The following ACE variants were observed in gnomAD, a reference collection of about 807,000 sequenced individuals.
ACE encodes the protein angiotensin-converting enzyme.
In ACE, 122 loss-of-function variants were observed where a neutral mutation model predicts 162.3. That is an observed-to-expected ratio of 0.75 (90% confidence interval 0.65 to 0.87). The LOEUF is 0.87. Among genes scored for constraint, ACE ranks in the 40% least tolerant of loss-of-function variants. The pLI, the probability that ACE is intolerant of heterozygous loss-of-function variation, is 0.00. For missense variants in ACE, 1,799 were observed against 1,735.1 expected, an observed-to-expected ratio of 1.04 and a Z score of -0.65; for synonymous variants, 796 against 720.6, an observed-to-expected ratio of 1.10 and a Z score of -1.68.
rs747724861 is a variant in ACE, at chr17:63,493,970, T to TTA, written c.3187_3188dup (p.Pro1064SerfsTer33). Reference sequence around the variant, plus strand: ...AAGATGGCCCTTGACAAGATCGCCTTTATCCCCTTCAGCTACCTCGTCGAT... The same window carrying TTA: ...AAGATGGCCCTTGACAAGATCGCCTTTATATCCCCTTCAGCTACCTCGTCGAT... On this transcript the variant is annotated frameshift_variant, in exon 21 of 25. Transcript: ENST00000290866. LOFTEE classifies it high-confidence loss of function. 11 of 1,614,036 alleles carry TTA rather than the reference T, an allele frequency of 6.8e-6. No homozygotes were observed. Among genetic ancestry groups the TTA allele is most frequent in the Non-Finnish European group, 7.6e-6 (9 of 1,180,036 alleles).
rs1392845930 is a variant in ACE at position 63,477,358 on chromosome 17, C to G, written c.249+15C>G. On this transcript the variant is annotated intron_variant, in intron 1 of 24. Transcript: ENST00000290866. ...CAAGGCGCCAGGTGGGCGCCCGGGC[C>G]CGGGCGGGGGCGGGGCGGGGCCGCG... The G allele has an allele frequency of 7.9e-7, 1 of 1,259,682 alleles. No individual in the cohort carries two copies. The highest frequency in any genetic ancestry group is 3.6e-5 in the Admixed American group (1 of 27,424). 78.0% of individuals were successfully genotyped at this position (1,259,682 alleles called of 1,614,324 possible).
chr17:63,492,015 TCTGG>T (rs1307939193), intron 19 of ACE, among the ~76,000 whole-genome samples: 2 of 152,232 alleles, frequency 1.3e-5, no homozygotes, highest in African/African-American at 4.8e-5. Flanking sequence ...GAGCCCCAGT[TCTGG>T]CTGTCGGTTG....
chr17:63,484,542 G>A lies in ACE; in HGVS notation c.1921+1G>A, dbSNP rs757763895. Reference sequence around the variant, plus strand: ...CCTGACAACTACCCGGAGGGCATAGGTAAAGCCCTGAGTGAGGATGGTGTG... The same window carrying A: ...CCTGACAACTACCCGGAGGGCATAGATAAAGCCCTGAGTGAGGATGGTGTG... On this transcript the variant is annotated splice_donor_variant, in intron 12 of 24. Transcript: ENST00000290866. LOFTEE classifies it high-confidence loss of function. The surrounding 1 kb of genome is among the most constrained non-coding windows in gnomAD (Gnocchi z 4.0). The A allele has an allele frequency of 1.2e-6, 2 of 1,609,920 alleles. No individual in the cohort carries two copies. Among genetic ancestry groups the A allele is most frequent in the Non-Finnish European group, 1.7e-6 (2 of 1,178,878 alleles).
intron 17 of ACE, 105 bp from the exon 18 acceptor site, chr17:63,490,849 A>G (rs2030321107): frequency 7.5e-6 from 8 of 1,069,138 alleles, no homozygotes; most frequent in South Asian, 6.3e-5. Context: ...AAATGCCACT[A>G]TGATTAGCAG....
At position 63,486,732 on chromosome 17, in the gene ACE, G is replaced by A. The variant is rs768230597; in HGVS notation, c.2217+17G>A. On this transcript the variant is annotated intron_variant, in intron 14 of 24. Transcript: ENST00000290866. ...CTGGAGGAGGTGTGTGGCTCGCAAG[G>A]TACAGGGAGAGGGGAATCCTGGGGC... is the stretch of plus-strand genomic sequence containing the variant. The A allele has an allele frequency of 6.2e-7, 1 of 1,614,150 alleles. No homozygotes were observed. Among genetic ancestry groups the A allele is most frequent in the East Asian group, 2.2e-5 (1 of 44,878 alleles).
rs1029656360 is a variant in ACE, at chr17:63,477,349, CGCCCGG to C, written c.249+15_249+20del. ...CGGAGAATGCAAGGCGCCAGGTGGG[CGCCCGG>C]GCCCGGGCGGGGGCGGGGCGGGGCC... is the stretch of plus-strand genomic sequence containing the variant. On this transcript the variant is annotated splice_region_variant and intron_variant, in intron 1 of 24. Transcript: ENST00000290866. The C allele has an allele frequency of 1.4e-5, 17 of 1,255,402 alleles. No homozygotes were observed. The highest frequency in any genetic ancestry group is 2.8e-4 in the Middle Eastern group (1 of 3,620). 77.8% of individuals were successfully genotyped at this position (1,255,402 alleles called of 1,614,324 possible).
At chr17:63,486,382 C>T (rs2029936778) in intron 13 of ACE, 175 bp from the exon 14 acceptor site, 2 of 702,940 alleles carry the variant, frequency 2.8e-6, no homozygotes, top group South Asian at 3.3e-5. Flanking sequence ...GTGAGTACTG[C>T]ATCCAGGACG....
chr17:63,493,608 C>T lies in ACE; in HGVS notation c.3085C>T (p.Pro1029Ser), dbSNP rs758105347. The change falls in exon 20 of 25, where the codon CCC (proline) becomes TCC (serine). Residue 1029 changes from proline to serine, a missense_variant. Coordinates refer to ENST00000290866, the MANE Select transcript of ACE (RefSeq NM_000789.4). Reference sequence around the variant, plus strand: ...CGTGCTAGCCCTCTCAGTGTCTACGCCCAAGCACCTGCACAGTCTCAACCT... The same window carrying T: ...CGTGCTAGCCCTCTCAGTGTCTACGTCCAAGCACCTGCACAGTCTCAACCT... ...GDVLALSVSTPKHLHSLNLLS... is the reference protein window; with the variant it reads ...GDVLALSVSTSKHLHSLNLLS... The T allele has an allele frequency of 1.2e-6, 2 of 1,614,138 alleles. No individual in the cohort carries two copies. Among genetic ancestry groups the T allele is most frequent in the Admixed American group, 3.3e-5 (2 of 60,024 alleles).
At chr17:63,489,276 G>T (rs1421371219) in intron 17 of ACE, 144 bp downstream of exon 17, 3 of 1,028,926 alleles carry the variant, frequency 2.9e-6, no homozygotes, top group African/African-American at 1.6e-5. Flanking sequence ...CAGGCTGGAG[G>T]GGGGTGGGCG....
Position 63,483,988 on chromosome 17 carries a change from C to G in ACE, c.1709+17C>G. The stretch of plus-strand genomic sequence containing the variant: ...CAAGCTCCGGTGTGTGGTGGGAAGC[C>G]GGGGGAAGTGGGAGGCAGAGAGGAG... On this transcript the variant is annotated intron_variant, in intron 11 of 24. Transcript: ENST00000290866. 2 of 1,608,516 alleles carry G rather than the reference C, an allele frequency of 1.2e-6. No individual in the cohort carries two copies. Among genetic ancestry groups the G allele is most frequent in the Non-Finnish European group, 1.7e-6 (2 of 1,177,728 alleles).
rs2049630609 is a variant in ACE at position 63,477,214 on chromosome 17, T to C, written c.120T>C (p.Ser40=). The change falls in exon 1 of 25, where the codon TCT becomes TCC. Residue 40 remains serine, a synonymous_variant. Transcript: ENST00000290866. The part of the protein sequence containing the change: ...LDPGLQPGNF[S]ADEAGAQLFA... ...CCGGGCTGCAGCCCGGCAACTTTTC[T>C]GCTGACGAGGCCGGGGCGCAGCTCT... 2.0e-6 allele frequency: 3 copies of C among 1,493,444 alleles called. No individual in the cohort carries two copies. Among genetic ancestry groups the C allele is most frequent in the Non-Finnish European group, 2.7e-6 (3 of 1,125,438 alleles). The allele number at this position is 1,493,444 out of a possible 1,614,324, so 92.5% of individuals were successfully genotyped here.
chr17:63,484,925 T>A lies in ACE; in HGVS notation c.1922-311T>A. On this transcript the variant is annotated intron_variant, in intron 12 of 24. Transcript: ENST00000290866. The surrounding 1 kb of genome is among the most constrained non-coding windows in gnomAD (Gnocchi z 4.0). ...CAGCCTCCTCTTCCTGCTGCTCTGC[T>A]ACGGGCACCCTCTGCTGGTCCCCAG... is the stretch of plus-strand genomic sequence containing the variant. The A allele has an allele frequency of 6.3e-7, 1 of 1,596,602 alleles. No homozygotes were observed.
intron 1 of ACE, 139 bp downstream of exon 1, chr17:63,477,482 C>G: frequency 1.6e-6 from 1 of 618,704 alleles, no homozygotes; most frequent in Non-Finnish European, 2.1e-6. Context: ...CGACAGTCAG[C>G]CGCGGGGCCC....
intron 22 of ACE, among the ~76,000 whole-genome samples, chr17:63,494,966 A>C (rs952769468): frequency 5.9e-5 from 9 of 152,232 alleles, no homozygotes; most frequent in Non-Finnish European, 8.8e-5. Context: ...GGGGTCAGAC[A>C]GAACTGGGTT....
chr17:63,487,448 C>G (rs2030035899), intron 15 of ACE, among the ~76,000 whole-genome samples: 2 of 152,100 alleles, frequency 1.3e-5, no homozygotes, highest in African/African-American at 2.4e-5. Flanking sequence ...GTGACCCTGC[C>G]CTTGACTTCC....
chr17:63,497,699 C>T lies in ACE; in HGVS notation c.*333C>T, dbSNP rs966385786. 1.9e-5 allele frequency: 10 copies of T among 535,240 alleles called. 1 individual carries two copies. The highest frequency in any genetic ancestry group is 7.6e-5 in the South Asian group (4 of 52,524). The allele number at this position is 535,240 out of a possible 1,614,324, so 33.2% of individuals were successfully genotyped here. A position where few individuals can be genotyped will look rare whatever the true frequency, so the allele number is the denominator to read the frequency against. The stretch of plus-strand genomic sequence containing the variant: ...TGCCTCCTGGCAGTCAAGTGGGTCC[C>T]GTTACTAGGTTTGTTCCTCCATCCT... On this transcript the variant is annotated 3_prime_UTR_variant, in exon 25 of 25. Transcript: ENST00000290866.
Position 63,484,251 on chromosome 17 carries a change from C to T in ACE, c.1710-79C>T. On this transcript the variant is annotated intron_variant, in intron 11 of 24. Coordinates refer to ENST00000290866, the MANE Select transcript of ACE (RefSeq NM_000789.4). The surrounding 1 kb of genome is among the most constrained non-coding windows in gnomAD (Gnocchi z 4.0). ...CAGTCCATTGGGGGGCGGAAGTGGCCAGGGGCATGTGGGCCGGGGTCCAGG... is the reference window on the plus strand; with the variant it reads ...CAGTCCATTGGGGGGCGGAAGTGGCTAGGGGCATGTGGGCCGGGGTCCAGG... 1 of 1,483,182 alleles carries T rather than the reference C, an allele frequency of 6.7e-7. No individual in the cohort carries two copies. Among genetic ancestry groups the T allele is most frequent in the Non-Finnish European group, 9.1e-7 (1 of 1,094,952 alleles). The allele number at this position is 1,483,182 out of a possible 1,614,324, so 91.9% of individuals were successfully genotyped here. A position where few individuals can be genotyped will look rare whatever the true frequency, so the allele number is the denominator to read the frequency against.
intron 13 of ACE, chr17:63,485,650 C>T (rs2029886917): frequency 4.8e-6 from 2 of 413,844 alleles, no homozygotes; most frequent in South Asian, 3.9e-5. Flanking sequence ...GTGGCGAGCA[C>T]CTGTAGTCCC....
rs530535736 is a variant in ACE, at chr17:63,480,492, A to G, written c.811A>G (p.Ile271Val). ...GCATCGCCGATACGGAGACAGATACATCAACCTCAGGGGACCCATCCCTGC... is the reference window on the plus strand; with the variant it reads ...GCATCGCCGATACGGAGACAGATACGTCAACCTCAGGGGACCCATCCCTGC... Reference protein sequence around the residue: ...ALHRRYGDRYINLRGPIPAHL... With the variant: ...ALHRRYGDRYVNLRGPIPAHL... Residue 271 changes from isoleucine to valine, a missense_variant, in exon 5 of 25, where the codon ATC becomes GTC. Coordinates refer to ENST00000290866, the MANE Select transcript of ACE (RefSeq NM_000789.4). 15 of 1,613,942 alleles carry G rather than the reference A, an allele frequency of 9.3e-6. No individual in the cohort carries two copies. In the Admixed American group the frequency reaches 1.2e-4, roughly 13 times the overall value.
Sources: allele counts gnomAD v4.1 joint callset (sites outside exome capture counted in the v4.1 genomes callset), GRCh38; gene constraint gnomAD v4.1.1; non-coding constraint Gnocchi (gnomAD v3.1); transcripts MANE v1.5; gene names NCBI Gene and HGNC (gene_info 2026-07-23, HGNC 2026-07-21).